Variants in ITGAE observed in about 807,000 individuals in gnomAD.
ITGAE encodes integrin subunit alpha E.
In ITGAE, 99 loss-of-function variants were observed where a neutral mutation model predicts 136.5. The ratio of observed to expected loss-of-function variants is 0.73; its 90% CI spans 0.62 to 0.86. The LOEUF is 0.86. ITGAE is among the 40% of genes least tolerant of loss of function. ITGAE has a pLI of 0.00. For synonymous variants in ITGAE, 613 were observed against 591.8 expected, an observed-to-expected ratio of 1.04 and a Z score of -0.52; for missense variants, 1,447 against 1,515.3, an observed-to-expected ratio of 0.95 and a Z score of 0.75.
intron 1 of ITGAE, among the ~76,000 whole-genome samples, chr17:3,789,400 A>G (rs1018757077): frequency 2.6e-5 from 4 of 152,114 alleles, no homozygotes; most frequent in African/African-American, 7.2e-5. Context: ...CATCCTGGTT[A>G]ATGAGAAAAA....
chr17:3,777,142 T>C (rs1438814328), intron 2 of ITGAE, among the ~76,000 whole-genome samples: 2 of 151,992 alleles, frequency 1.3e-5, no homozygotes, highest in Non-Finnish European at 2.9e-5. Flanking sequence ...TTCTATTTTT[T>C]AGTAGAGACA....
chr17:3,722,134 G>A (rs1246685305), intron 28 of ITGAE, among the ~76,000 whole-genome samples: 1 of 149,264 alleles, frequency 6.7e-6, no homozygotes, highest in Admixed American at 6.6e-5. Flanking sequence ...AGCCGAGATC[G>A]TGCCATTGCA....
chr17:3,715,557 T>C (rs2050926619), intron 30 of ITGAE, among the ~76,000 whole-genome samples: 1 of 152,074 alleles, frequency 6.6e-6, no homozygotes, highest in Admixed American at 6.6e-5. Flanking sequence ...ATAGTTTGAC[T>C]TGTTGGGAGA....
intron 10 of ITGAE, among the ~76,000 whole-genome samples, chr17:3,756,504 T>G (rs1291974411): frequency 6.7e-6 from 1 of 149,854 alleles, no homozygotes; most frequent in Non-Finnish European, 1.5e-5. Context: ...TGGGTTCGAG[T>G]GATTCTTCTG....
chr17:3,745,683 T>C (rs892734248), intron 18 of ITGAE, 81 bp downstream of exon 18: 6 of 1,328,798 alleles, frequency 4.5e-6, no homozygotes, highest in Admixed American at 1.8e-5. Context: ...GGTCTGGGTA[T>C]GTGCCCTTCA....
chr17:3,751,771 T>C lies in ITGAE; in HGVS notation c.1772A>G (p.Lys591Arg), dbSNP rs1478788187. ...MAAMGDLSQDKLTDVAIGAPL... is the reference protein window; with the variant it reads ...MAAMGDLSQDRLTDVAIGAPL... ...GGCCCCGATGGCCACATCTGTGAGC[T>C]TATCCTGACTGAGATCCCCCATAGC... The change falls in exon 15 of 31, where the codon AAG becomes AGG. Residue 591 changes from lysine (K) to arginine (R), a missense_variant. Lys to Arg is a conservative substitution (Grantham distance 26, BLOSUM62 2). This residue lies in a region of ITGAE where 1,031 missense variants were observed against 1,011.4 expected (regional missense o/e 1.02). Transcript: ENST00000263087. 2 of 1,614,118 alleles carry C rather than the reference T, an allele frequency of 1.2e-6. No individual in the cohort carries two copies. Among genetic ancestry groups the C allele is most frequent in the African/African-American group, 1.3e-5 (1 of 75,038 alleles).
chr17:3,731,279 C>T lies in ITGAE; in HGVS notation c.2755-96G>A, dbSNP rs140949148. On this transcript the variant is annotated intron_variant, in intron 22 of 30. Coordinates refer to ENST00000263087, the MANE Select transcript of ITGAE (RefSeq NM_002208.5). ...CGTGGAACAGACCTAGGAGACGATT[C>T]CTCAGATTTTCACATTCCTCACATT... is the stretch of plus-strand genomic sequence containing the variant. The T allele has an allele frequency of 1.6e-4, 139 of 867,558 alleles. 1 individual carries two copies. In the East Asian group the frequency reaches 3.3e-3, roughly 21 times the overall value. The allele number at this position is 867,558 out of a possible 1,614,324, so 53.7% of individuals were successfully genotyped here. A position where few individuals can be genotyped will look rare whatever the true frequency, so the allele number is the denominator to read the frequency against.
At chr17:3,782,291 A>AC (rs2052683731) in intron 1 of ITGAE, among the ~76,000 whole-genome samples, 1 of 148,918 alleles carries the variant, frequency 6.7e-6, no homozygotes, top group Non-Finnish European at 1.5e-5. Flanking sequence ...AAAAAAAAAA[A>AC]AAAAAAAAAA....
At chr17:3,744,447 T>TC (rs1555520831) in intron 18 of ITGAE, among the ~76,000 whole-genome samples, 749 of 31,520 alleles carry the variant, frequency 0.024, 9 homozygotes, top group African/African-American at 0.15. Context: ...GTTCTTTCTC[T>TC]TTTTTTTTTT....
At chr17:3,757,160 G>A in intron 9 of ITGAE, 26 bp from the exon 10 acceptor site, 3 of 1,610,908 alleles carry the variant, frequency 1.9e-6, no homozygotes, top group Non-Finnish European at 2.5e-6. Context: ...GGGTCAGCGA[G>A]TCAGCGCTGC....
intron 2 of ITGAE, among the ~76,000 whole-genome samples, chr17:3,766,460 C>A (rs929876025): frequency 1.3e-5 from 2 of 152,124 alleles, no homozygotes; most frequent in African/African-American, 4.8e-5. Flanking sequence ...AGAAGGGACC[C>A]AGCCCTGCTG....
At chr17:3,737,035 T>G (rs2051473569) in intron 20 of ITGAE, among the ~76,000 whole-genome samples, 1 of 151,836 alleles carries the variant, frequency 6.6e-6, no homozygotes, top group East Asian at 2.0e-4. Flanking sequence ...GGCTCACGCC[T>G]GTAATCCCAG....
chr17:3,786,528 C>G (rs1472862188), intron 1 of ITGAE, among the ~76,000 whole-genome samples: 1 of 152,092 alleles, frequency 6.6e-6, no homozygotes, highest in Non-Finnish European at 1.5e-5. Context: ...ATTGAAACAA[C>G]CGTCTCTCTC....
chr17:3,787,692 T>C (rs937208332), intron 1 of ITGAE, among the ~76,000 whole-genome samples: 4 of 146,572 alleles, frequency 2.7e-5, no homozygotes, highest in Non-Finnish European at 4.5e-5. Flanking sequence ...GGTTTTCTCT[T>C]TTTTTTTTTT....
chr17:3,722,773 G>C (rs963815816), intron 28 of ITGAE, among the ~76,000 whole-genome samples: 22 of 152,252 alleles, frequency 1.4e-4, no homozygotes, highest in African/African-American at 4.3e-4. Flanking sequence ...TTTAGTCTAA[G>C]TGTGCTCAAG....
intron 15 of ITGAE, among the ~76,000 whole-genome samples, chr17:3,751,314 G>A (rs532632723): frequency 3.9e-5 from 6 of 151,932 alleles, no homozygotes; most frequent in Non-Finnish European, 8.8e-5. Flanking sequence ...ACAGGAGCGA[G>A]GGACAGAAAG....
At chr17:3,789,614 C>A (rs1472242371) in intron 1 of ITGAE, among the ~76,000 whole-genome samples, 1 of 152,030 alleles carries the variant, frequency 6.6e-6, no homozygotes, top group African/African-American at 2.4e-5. Context: ...GATTCTCCTG[C>A]CTCAACCTCC....
At chr17:3,749,476 T>A (rs867551688) in intron 16 of ITGAE, among the ~76,000 whole-genome samples, 23 of 152,050 alleles carry the variant, frequency 1.5e-4, no homozygotes, top group Middle Eastern at 3.4e-3. Context: ...ATGGTCTCCA[T>A]CTCCTGACCT....
chr17:3,737,189 A>T (rs967701491), intron 20 of ITGAE, among the ~76,000 whole-genome samples: 3 of 152,200 alleles, frequency 2.0e-5, no homozygotes, highest in African/African-American at 7.2e-5. Context: ...GCTACACAGG[A>T]GGCTGAGGCA....
Sources: allele counts gnomAD v4.1 joint callset (sites outside exome capture counted in the v4.1 genomes callset), GRCh38; gene constraint gnomAD v4.1.1; regional missense constraint gnomAD v4.1.1; transcripts MANE v1.5; gene names NCBI Gene and HGNC (gene_info 2026-07-23, HGNC 2026-07-21).